The following ARMC2 variants were observed in gnomAD, a reference collection of about 807,000 sequenced individuals.
ARMC2 encodes the protein armadillo repeat containing 2, also known as armadillo repeat-containing protein 2.
A neutral mutation model predicts 90.3 loss-of-function variants in ARMC2; 67 were observed. The ratio of observed to expected loss-of-function variants is 0.74; its 90% CI spans 0.61 to 0.91. ARMC2 has a LOEUF of 0.91. Among genes scored for constraint, ARMC2 ranks in the 40% least tolerant of loss-of-function variants. ARMC2 has a pLI of 0.00. For missense variants in ARMC2, 920 were observed against 1,030.9 expected, an observed-to-expected ratio of 0.89 and a Z score of 1.47; for synonymous variants, 393 against 393.0, an observed-to-expected ratio of 1.00 and a Z score of 0.00.
At chr6:108,854,170 T>G in intron 1 of ARMC2, 55 bp from the exon 2 acceptor site, 1 of 978,632 alleles carries the variant, frequency 1.0e-6, no homozygotes, top group South Asian at 1.6e-5. Context: ...TAAGCATTCG[T>G]TTTTATAAAG....
rs778364744 is a variant in ARMC2, at chr6:108,928,050, A to C, written c.1351-38A>C. 10 of 1,566,576 alleles carry C rather than the reference A, an allele frequency of 6.4e-6. No individual in the cohort carries two copies. The Admixed American group carries it at 1.2e-4, about 19-fold the overall frequency. ...CTGTTTCGTGTGGTTATATTTTTTC[A>C]GTTCAAAAAAAATGGCACAAGCATG... is the stretch of plus-strand genomic sequence containing the variant. On this transcript the variant is annotated intron_variant, in intron 10 of 17. Transcript: ENST00000392644.
At chr6:108,943,550 AG>A (rs1562414481) in intron 12 of ARMC2, among the ~76,000 whole-genome samples, 2 of 152,164 alleles carry the variant, frequency 1.3e-5, no homozygotes, top group Admixed American at 6.6e-5. Flanking sequence ...AGCTGGGCAC[AG>A]GTGGCTCAGA....
intron 5 of ARMC2, among the ~76,000 whole-genome samples, chr6:108,886,894 G>GTT (rs2128449400): frequency 6.9e-6 from 1 of 144,134 alleles, no homozygotes; most frequent in South Asian, 2.2e-4. Flanking sequence ...TTTTTTTTTT[G>GTT]TTTGTTTGTT....
chr6:108,942,893 A>G (rs1776553793), intron 12 of ARMC2, among the ~76,000 whole-genome samples: 1 of 152,232 alleles, frequency 6.6e-6, no homozygotes, highest in Admixed American at 6.5e-5. Context: ...ACATAGAAAC[A>G]GAAATCTAAA....
At chr6:108,960,179 T>C (rs539129586) in intron 13 of ARMC2, among the ~76,000 whole-genome samples, 24 of 152,314 alleles carry the variant, frequency 1.6e-4, no homozygotes, top group South Asian at 2.1e-4. Flanking sequence ...TCAGACAATG[T>C]GGTCAACATC....
the ARMC2 span, among the ~76,000 whole-genome samples, chr6:109,033,790 G>A: frequency 3.9e-5 from 6 of 152,120 alleles, no homozygotes; most frequent in Non-Finnish European, 7.4e-5. Flanking sequence ...CTGGACAGAA[G>A]AAATATTTAT....
the ARMC2 span, among the ~76,000 whole-genome samples, chr6:108,980,672 G>A: frequency 6.6e-6 from 1 of 152,192 alleles, no homozygotes. Context: ...GACTGGGCCT[G>A]CTGCCTTTTT....
rs545494192 is a variant in ARMC2 at position 108,953,412 on chromosome 6, A to T, written c.1915+61A>T. 1.3e-3 allele frequency: 1,875 copies of T among 1,487,514 alleles called. 4 individuals carry two copies. The highest frequency in any genetic ancestry group is 1.6e-3 in the Non-Finnish European group (1,798 of 1,114,850). 92.1% of individuals were successfully genotyped at this position (1,487,514 alleles called of 1,614,324 possible). ...ACCAACTTTCCCGCGGCCCAAAGACAGTTCTGTGTCTGTGGTGTGATGAGG... is the reference window on the plus strand; with the variant it reads ...ACCAACTTTCCCGCGGCCCAAAGACTGTTCTGTGTCTGTGGTGTGATGAGG... On this transcript the variant is annotated intron_variant, in intron 13 of 17. Transcript: ENST00000392644.
intron 5 of ARMC2, among the ~76,000 whole-genome samples, chr6:108,888,262 G>A (rs1334825408): frequency 1.3e-5 from 2 of 152,170 alleles, no homozygotes; most frequent in African/African-American, 2.4e-5. Flanking sequence ...TAGTAAACAT[G>A]TATTAGTTAC....
the ARMC2 span, among the ~76,000 whole-genome samples, chr6:109,019,458 T>C: frequency 6.6e-6 from 1 of 152,232 alleles, no homozygotes; most frequent in Non-Finnish European, 1.5e-5. Flanking sequence ...ACAGTTCATG[T>C]TTCTCTACTG....
At chr6:108,919,884 A>G (rs141382030) in intron 10 of ARMC2, among the ~76,000 whole-genome samples, 1 of 152,288 alleles carries the variant, frequency 6.6e-6, no homozygotes, top group East Asian at 1.9e-4. Flanking sequence ...TACAGCATGT[A>G]CCCTTTTGTG....
chr6:108,989,586 G>A, the ARMC2 span, among the ~76,000 whole-genome samples: 1 of 150,338 alleles, frequency 6.7e-6, no homozygotes, highest in African/African-American at 2.5e-5. Context: ...TCTATATATA[G>A]AGAGAGATAG....
At chr6:108,936,547 C>T (rs982884416) in intron 11 of ARMC2, among the ~76,000 whole-genome samples, 1 of 152,246 alleles carries the variant, frequency 6.6e-6, no homozygotes, top group African/African-American at 2.4e-5. Context: ...TGAGGCACCA[C>T]GCCTGGCCTA....
chr6:109,045,937 G>C, the ARMC2 span, among the ~76,000 whole-genome samples: 1 of 152,074 alleles, frequency 6.6e-6, no homozygotes, highest in African/African-American at 2.4e-5. Context: ...ATAAGAATTT[G>C]ATTTTGAACC....
chr6:108,869,480 C>G (rs954203623), intron 4 of ARMC2, among the ~76,000 whole-genome samples: 1 of 151,826 alleles, frequency 6.6e-6, no homozygotes, highest in Non-Finnish European at 1.5e-5. Context: ...TGCACCCCAG[C>G]GTGGGTGACG....
the ARMC2 span, among the ~76,000 whole-genome samples, chr6:109,048,703 T>C: frequency 1.3e-5 from 2 of 152,220 alleles, no homozygotes; most frequent in African/African-American, 4.8e-5. Context: ...ATGCTTATTT[T>C]TAACCTAAAA....
the ARMC2 span, among the ~76,000 whole-genome samples, chr6:109,019,751 T>A: frequency 1.6e-4 from 25 of 152,356 alleles, no homozygotes; most frequent in African/African-American, 5.8e-4. Context: ...GATATCCAGA[T>A]AATTTTTAGT....
chr6:108,900,062 G>A (rs780953043), intron 7 of ARMC2, among the ~76,000 whole-genome samples: 8 of 152,094 alleles, frequency 5.3e-5, no homozygotes, highest in East Asian at 1.9e-4. Flanking sequence ...AAATTAATTA[G>A]CATTTCCTCT....
the ARMC2 span, among the ~76,000 whole-genome samples, chr6:109,013,942 GTT>G: frequency 6.0e-5 from 9 of 149,446 alleles, no homozygotes; most frequent in Non-Finnish European, 1.2e-4. Context: ...TCAACATCAT[GTT>G]TTGGGTACAT....
Sources: gnomAD v4.1 joint callset for allele counts (sites outside exome capture counted in the v4.1 genomes callset) on GRCh38, gnomAD v4.1.1 for gene constraint, MANE v1.5 for transcripts, NCBI Gene and HGNC (gene_info 2026-07-23, HGNC 2026-07-21) for gene names.